Variants in MRPL35 observed in about 807,000 individuals in gnomAD.
The protein encoded by MRPL35 is large ribosomal subunit protein bL35m.
In MRPL35, 18 loss-of-function variants were observed where a neutral mutation model predicts 21.6. That is an observed-to-expected ratio of 0.83 (90% CI 0.58 to 1.24). The LOEUF (loss-of-function observed/expected upper bound fraction) is 1.24, where lower values mean the gene tolerates loss of function less well. Ranked by LOEUF, MRPL35 falls within the 50% of genes most tolerant of loss-of-function variation. MRPL35 has a pLI of 0.00. For synonymous variants in MRPL35, 87 were observed against 86.9 expected, an observed-to-expected ratio of 1.00 and a Z score of -0.01; for missense variants, 223 against 223.2, an observed-to-expected ratio of 1.00 and a Z score of 0.01.
intron 2 of MRPL35, 93 bp downstream of exon 2, chr2:86,206,388 A>G (rs1673792647): frequency 2.4e-6 from 3 of 1,227,486 alleles, no homozygotes; most frequent in South Asian, 1.5e-5. Flanking sequence ...GCCAGAGTGC[A>G]GTGGTGCATT....
At chr2:86,206,871 A>G (rs1673807308) in intron 2 of MRPL35, among the ~76,000 whole-genome samples, 1 of 152,234 alleles carries the variant, frequency 6.6e-6, no homozygotes, top group Admixed American at 6.5e-5. Context: ...GGCAAAAAGG[A>G]CATAAGGGTA....
intron 1 of MRPL35, among the ~76,000 whole-genome samples, chr2:86,200,113 A>G (rs1673658538): frequency 6.6e-6 from 1 of 152,180 alleles, no homozygotes; most frequent in African/African-American, 2.4e-5. Flanking sequence ...AGTTGCCGTG[A>G]CGTTAAGTAC....
Position 86,204,095 on chromosome 2 carries a change from C to T in MRPL35, c.44-2011C>T, listed in dbSNP as rs1189808375. On this transcript the variant is annotated intron_variant, in intron 1 of 3. Transcript: ENST00000337109. ...TTCCTCCCAGGTTCAAGTGATCTTC[C>T]TGCCTCAGCCTCCTGAGTAGCTGGG... Among the ~76,000 whole-genome samples the T allele has an allele frequency of 2.6e-5, 4 of 152,168 alleles. No homozygotes were observed. In the East Asian group the frequency reaches 7.7e-4, roughly 29 times the overall value.
At position 86,199,485 on chromosome 2, in the gene MRPL35, G is replaced by A. The variant is rs753424878; in HGVS notation, c.-6G>A. On this transcript the variant is annotated 5_prime_UTR_variant, in exon 1 of 4. It adds an upstream start codon to the 5' untranslated region. Transcript: ENST00000337109. ...CCCAAAGCGGCCGCCGTAGGCGAAG[G>A]TGAAGATGGCTGCCTCTGCCTTTGC... 2.5e-6 allele frequency: 4 copies of A among 1,614,184 alleles called. No individual in the cohort carries two copies. The highest frequency in any genetic ancestry group is 3.4e-6 in the Non-Finnish European group (4 of 1,180,040).
chr2:86,201,834 A>C (rs1673691576), intron 1 of MRPL35, among the ~76,000 whole-genome samples: 1 of 152,228 alleles, frequency 6.6e-6, no homozygotes, highest in Admixed American at 6.5e-5. Flanking sequence ...AGTGCAGTTC[A>C]TGTCCCCCAT....
chr2:86,203,128 G>C (rs1236411066), intron 1 of MRPL35, among the ~76,000 whole-genome samples: 1 of 147,704 alleles, frequency 6.8e-6, no homozygotes, highest in East Asian at 2.0e-4. Flanking sequence ...CGCTCAAGGT[G>C]GAGTGCAGTG....
At chr2:86,210,180 T>C (rs1296306580) in intron 3 of MRPL35, among the ~76,000 whole-genome samples, 1 of 152,246 alleles carries the variant, frequency 6.6e-6, no homozygotes, top group Non-Finnish European at 1.5e-5. Context: ...TCTGTCATTA[T>C]CTTGTACTTT....
Position 86,207,290 on chromosome 2 carries a change from T to C in MRPL35, c.341T>C (p.Phe114Ser), listed in dbSNP as rs1293564266. The change falls in exon 3 of 4, where the codon TTT becomes TCT. Residue 114 changes from phenylalanine to serine, a missense_variant. Transcript: ENST00000337109. ...ACCGTGAAAGCTGTCATCGATAGGT[T>C]TCTTCGACTTCATTGTGGCCTTTGG... The part of the protein sequence containing the change: ...RKTVKAVIDR[F>S]LRLHCGLWVR... 1 of 1,613,938 alleles carries C rather than the reference T, an allele frequency of 6.2e-7. No homozygotes were observed. Among genetic ancestry groups the C allele is most frequent in the Non-Finnish European group, 8.5e-7 (1 of 1,179,870 alleles).
rs1306262234 is a variant in MRPL35 at position 86,213,751 on chromosome 2, G to C, written c.*3083G>C. The C allele has an allele frequency of 1.4e-6, 2 of 1,420,518 alleles. No homozygotes were observed. Among genetic ancestry groups the C allele is most frequent in the South Asian group, 2.6e-5 (2 of 78,010 alleles). The allele number at this position is 1,420,518 out of a possible 1,614,324, so 88.0% of individuals were successfully genotyped here. On this transcript the variant is annotated 3_prime_UTR_variant, in exon 4 of 4. Transcript: ENST00000337109. ...TTTTCACAGCTACCTAGTTTCTGCCGATGATTTTTTTAAATGTGAAATAAA... is the reference window on the plus strand; with the variant it reads ...TTTTCACAGCTACCTAGTTTCTGCCCATGATTTTTTTAAATGTGAAATAAA...
chr2:86,208,449 G>A (rs966490637), intron 3 of MRPL35, among the ~76,000 whole-genome samples: 1 of 152,114 alleles, frequency 6.6e-6, no homozygotes, highest in African/African-American at 2.4e-5. Context: ...TGGGATTACA[G>A]GCATGCACCA....
intron 1 of MRPL35, among the ~76,000 whole-genome samples, chr2:86,200,944 G>A (rs533048394): frequency 6.6e-6 from 1 of 152,302 alleles, no homozygotes; most frequent in South Asian, 2.1e-4. Context: ...GGGATTACGG[G>A]TGTGAGCCAC....
rs1273874265 is a variant in MRPL35, at chr2:86,211,364, G to A, written c.*696G>A. ...TGGGCCAGACTACCTTTTTATACTA[G>A]GTCTGGTTGGGTCATTGTCTAGAGT... On this transcript the variant is annotated 3_prime_UTR_variant, in exon 4 of 4. Transcript: ENST00000337109. The A allele has an allele frequency of 1.0e-6, 1 of 973,572 alleles. No homozygotes were observed. Among genetic ancestry groups the A allele is most frequent in the Admixed American group, 6.2e-5 (1 of 16,248 alleles). The allele number at this position is 973,572 out of a possible 1,614,324, so 60.3% of individuals were successfully genotyped here. A position where few individuals can be genotyped will look rare whatever the true frequency, so the allele number is the denominator to read the frequency against.
chr2:86,207,104 C>T (rs1673812879), intron 2 of MRPL35, 79 bp from the exon 3 acceptor site: 5 of 1,379,584 alleles, frequency 3.6e-6, no homozygotes, highest in Non-Finnish European at 4.9e-6. Context: ...CAGCTTTACT[C>T]ATTTCTCAGT....
chr2:86,202,881 G>A (rs1006597940), intron 1 of MRPL35, among the ~76,000 whole-genome samples: 2 of 151,954 alleles, frequency 1.3e-5, no homozygotes, highest in African/African-American at 4.8e-5. Context: ...AGTAGAGACG[G>A]GGTTTCACAT....
At position 86,212,631 on chromosome 2, in the gene MRPL35, CT is replaced by C. The variant is rs1673930042; in HGVS notation, c.*1964del. 4.4e-6 allele frequency: 6 copies of C among 1,376,590 alleles called. No individual in the cohort carries two copies. The East Asian group carries it at 1.7e-4, about 38-fold the overall frequency. 85.3% of individuals were successfully genotyped at this position (1,376,590 alleles called of 1,614,324 possible). ...CAGGGGCCTCAGAGCACCTTCGTTT[CT>C]CCTCTAGACCAGGGACAGGTGTAGA... On this transcript the variant is annotated 3_prime_UTR_variant, in exon 4 of 4. Transcript: ENST00000337109.
chr2:86,206,320 T>TTATTTTG, intron 2 of MRPL35, 25 bp downstream of exon 2: 1 of 1,570,520 alleles, frequency 6.4e-7, no homozygotes, highest in Middle Eastern at 1.7e-4. Context: ...TTTGTGGGGT[T>TTATTTTG]TTTTTTGTTT....
intron 1 of MRPL35, 58 bp downstream of exon 1, chr2:86,199,591 G>C: frequency 6.3e-7 from 1 of 1,599,450 alleles, no homozygotes; most frequent in Non-Finnish European, 8.6e-7. Flanking sequence ...ACTGGTGCGG[G>C]ATGGAATGGG....
Position 86,211,721 on chromosome 2 carries a change from G to A in MRPL35, c.*1053G>A. On this transcript the variant is annotated 3_prime_UTR_variant, in exon 4 of 4. Coordinates refer to ENST00000337109, the MANE Select transcript of MRPL35 (RefSeq NM_016622.4). Reference sequence around the variant, plus strand: ...TTTGCTCTGTTGCCCAGGCTGGAGTGCAGTGGTGCAATCATAGCTCATTGA... The same window carrying A: ...TTTGCTCTGTTGCCCAGGCTGGAGTACAGTGGTGCAATCATAGCTCATTGA... 1 of 983,564 alleles carries A rather than the reference G, an allele frequency of 1.0e-6. No homozygotes were observed. The highest frequency in any genetic ancestry group is 1.2e-6 in the Non-Finnish European group (1 of 828,264). The allele number at this position is 983,564 out of a possible 1,614,324, so 60.9% of individuals were successfully genotyped here.
intron 2 of MRPL35, among the ~76,000 whole-genome samples, chr2:86,206,950 T>C (rs1431891244): frequency 2.0e-5 from 3 of 152,126 alleles, no homozygotes; most frequent in African/African-American, 7.2e-5. Context: ...GCGATGATAA[T>C]AGAATGAATT....
Sources: gnomAD v4.1 joint callset for allele counts (sites outside exome capture counted in the v4.1 genomes callset) on GRCh38, gnomAD v4.1.1 for gene constraint, MANE v1.5 for transcripts, NCBI Gene and HGNC (gene_info 2026-07-23, HGNC 2026-07-21) for gene names.